PKD1L1: variants seen among roughly 807,000 people sequenced by gnomAD.
PKD1L1 encodes polycystin-1-like protein 1.
PKD1L1 carries 236 observed loss-of-function variants against 323.4 expected under a neutral mutation model. The ratio of observed to expected loss-of-function variants is 0.73; its 90% CI spans 0.66 to 0.81. The LOEUF is 0.81. Ranked by LOEUF, PKD1L1 falls within the 40% of genes least tolerant of loss-of-function variation. PKD1L1 has a pLI of 0.00. For synonymous variants in PKD1L1, 1,344 were observed against 1,335.0 expected, an observed-to-expected ratio of 1.01 and a Z score of -0.15; for missense variants, 3,320 against 3,508.0, an observed-to-expected ratio of 0.95 and a Z score of 1.35.
chr7:47,863,800 A>G (rs1786087814), intron 26 of PKD1L1, among the ~76,000 whole-genome samples: 2 of 152,000 alleles, frequency 1.3e-5, no homozygotes, highest in African/African-American at 4.8e-5. Context: ...AGGTGGGAGG[A>G]TGGCTTGAGT....
Position 47,890,690 on chromosome 7 carries a change from C to T in PKD1L1, c.2527G>A (p.Asp843Asn). ...CFDSSTAHQL[D>N]AAAPTVSFEA... ...AAGGAAACAGTGGGAGCCGCGGCAT[C>T]CAGTTGGTGTGCAGTGGAGGAGTCG... The change falls in exon 16 of 57, where the codon GAT becomes AAT. Residue 843 changes from aspartate (D) to asparagine (N), a missense_variant. Asp to Asn is a conservative substitution (Grantham distance 23). Transcript: ENST00000289672. 1 of 1,613,830 alleles carries T rather than the reference C, an allele frequency of 6.2e-7. No homozygotes were observed. Among genetic ancestry groups the T allele is most frequent in the Non-Finnish European group, 8.5e-7 (1 of 1,180,028 alleles).
chr7:47,811,964 G>C lies in PKD1L1; in HGVS notation c.7434C>G (p.Leu2478=). Residue 2478 remains leucine (L), a synonymous_variant, in exon 50 of 57, where the codon CTC becomes CTG. Transcript: ENST00000289672. ...TGAAGAGTTGGGTTGGAGGGTTATAGAGAGTGAAGTGCACAGACACAGCCC... is the reference window on the plus strand; with the variant it reads ...TGAAGAGTTGGGTTGGAGGGTTATACAGAGTGAAGTGCACAGACACAGCCC... The part of the protein sequence containing the change: ...STRAVSVHFT[L]YNPPTQLFTS... The C allele has an allele frequency of 6.2e-7, 1 of 1,601,784 alleles. No individual in the cohort carries two copies.
chr7:47,845,744 T>A (rs746272120), intron 32 of PKD1L1, among the ~76,000 whole-genome samples: 4 of 152,020 alleles, frequency 2.6e-5, no homozygotes, highest in African/African-American at 4.8e-5. Flanking sequence ...TGTGTGCCCA[T>A]CTAATTTTGT....
rs1317566356 is a variant in PKD1L1 at position 47,792,752 on chromosome 7, T to C, written c.8401A>G (p.Met2801Val). The C allele has an allele frequency of 6.2e-7, 1 of 1,613,906 alleles. No homozygotes were observed. The highest frequency in any genetic ancestry group is 1.3e-5 in the African/African-American group (1 of 74,920). ...EFANLLDELLMKINGLSDSLQ... is the reference protein window; with the variant it reads ...EFANLLDELLVKINGLSDSLQ... ...CTGTCGGACAAACCATTAATCTTCATCAGAAGTTCGTCTAACAGATTTGCA... is the reference window on the plus strand; with the variant it reads ...CTGTCGGACAAACCATTAATCTTCACCAGAAGTTCGTCTAACAGATTTGCA... The change falls in exon 56 of 57, where the codon ATG (methionine) becomes GTG (valine). Residue 2801 changes from methionine to valine, a missense_variant. Coordinates refer to ENST00000289672, the MANE Select transcript of PKD1L1 (RefSeq NM_138295.5).
At chr7:47,929,014 T>C (rs1214003856) in intron 7 of PKD1L1, among the ~76,000 whole-genome samples, 190 bp downstream of exon 7, 1 of 152,192 alleles carries the variant, frequency 6.6e-6, no homozygotes, top group Non-Finnish European at 1.5e-5. Flanking sequence ...TTGGTCACAG[T>C]GCAAAACACA....
Position 47,943,413 on chromosome 7 carries a change from C to G in PKD1L1, c.143G>C (p.Gly48Ala), listed in dbSNP as rs1788037465. Reference sequence around the variant, plus strand: ...GGCCTTACCGACCCACAATCCACCTCCAGGAGGGCTACAGCTGCACAGATG... The same window carrying G: ...GGCCTTACCGACCCACAATCCACCTGCAGGAGGGCTACAGCTGCACAGATG... ...GLHLCSCSPPGGGLWVEVYAN... is the reference protein window; with the variant it reads ...GLHLCSCSPPAGGLWVEVYAN... Residue 48 changes from glycine (G) to alanine (A), a missense_variant, in exon 2 of 57, where the codon GGA becomes GCA. Physicochemically the swap from Gly to Ala is moderately conservative, Grantham distance 60. Coordinates refer to ENST00000289672, the MANE Select transcript of PKD1L1 (RefSeq NM_138295.5). 1 of 1,613,194 alleles carries G rather than the reference C, an allele frequency of 6.2e-7. No individual in the cohort carries two copies. The highest frequency in any genetic ancestry group is 1.3e-5 in the African/African-American group (1 of 74,884).
chr7:47,891,622 T>A (rs114311418), intron 15 of PKD1L1, among the ~76,000 whole-genome samples: 154 of 152,362 alleles, frequency 1.0e-3, no homozygotes, highest in African/African-American at 3.5e-3. Flanking sequence ...AGAGGTACTG[T>A]GATGGCTCAG....
At chr7:47,884,688 C>T in intron 18 of PKD1L1, 31 bp from the exon 19 acceptor site, 1 of 1,579,690 alleles carries the variant, frequency 6.3e-7, no homozygotes, top group South Asian at 1.1e-5. Context: ...ATAATGTTTC[C>T]TTTAAAATCA....
At chr7:47,825,625 G>A (rs537253617) in intron 45 of PKD1L1, among the ~76,000 whole-genome samples, 23 of 150,240 alleles carry the variant, frequency 1.5e-4, no homozygotes, top group Middle Eastern at 3.5e-3. Flanking sequence ...TTCTTTTTAC[G>A]TAGGAGTTAT....
chr7:47,870,984 GAA>G (rs57805873), intron 24 of PKD1L1, among the ~76,000 whole-genome samples: 113 of 86,094 alleles, frequency 1.3e-3, no homozygotes, highest in African/African-American at 4.0e-3. Flanking sequence ...AAAAAAAAAA[GAA>G]AAAAAAAAAA....
At position 47,879,932 on chromosome 7, in the gene PKD1L1, A is replaced by C. The variant is rs576884135; in HGVS notation, c.3520+796T>G. On this transcript the variant is annotated intron_variant, in intron 21 of 56. Transcript: ENST00000289672. ...TGGGCAACAGAGGGACTCCGTCTCA[A>C]CAAAAAAATAAAAAATAAAAAAAAA... 1.3e-4 allele frequency among the ~76,000 whole-genome samples: 16 copies of C among 119,004 alleles called. No homozygotes were observed. The East Asian group carries it at 3.2e-3, about 24-fold the overall frequency. The allele number at this position is 119,004 out of a possible 152,430, so 78.1% of individuals were successfully genotyped here. A position where few individuals can be genotyped will look rare whatever the true frequency, so the allele number is the denominator to read the frequency against.
At chr7:47,817,086 A>C (rs1443718296) in intron 46 of PKD1L1, among the ~76,000 whole-genome samples, 4 of 152,086 alleles carry the variant, frequency 2.6e-5, no homozygotes, top group Non-Finnish European at 5.9e-5. Flanking sequence ...AAATACAAAA[A>C]ATTAGCTGGG....
intron 21 of PKD1L1, among the ~76,000 whole-genome samples, chr7:47,880,350 T>C (rs1406420443): frequency 1.4e-5 from 2 of 139,910 alleles, no homozygotes; most frequent in Non-Finnish European, 3.0e-5. Context: ...GGCGCGATCT[T>C]GGCTCACTGC....
Position 47,843,144 on chromosome 7 carries a change from T to A in PKD1L1, c.5263A>T (p.Ile1755Phe). ...QSHPENLLPS[I>F]FIMGSVILYG... ...AGAATCACAGAACCCATAATAAAAATACTGGGAAGCAAGTTTTCTGGGTGG... is the reference window on the plus strand; with the variant it reads ...AGAATCACAGAACCCATAATAAAAAAACTGGGAAGCAAGTTTTCTGGGTGG... The change falls in exon 34 of 57, where the codon ATT becomes TTT. Residue 1755 changes from isoleucine to phenylalanine, a missense_variant. Transcript: ENST00000289672. The A allele has an allele frequency of 6.2e-7, 1 of 1,612,046 alleles. No homozygotes were observed. The highest frequency in any genetic ancestry group is 8.5e-7 in the Non-Finnish European group (1 of 1,179,498).
At chr7:47,940,691 T>C (rs1034016124) in intron 2 of PKD1L1, among the ~76,000 whole-genome samples, 2 of 152,096 alleles carry the variant, frequency 1.3e-5, no homozygotes, top group South Asian at 4.2e-4. Context: ...GAAGGAGTGG[T>C]TGGGGAGCTG....
At chr7:47,831,413 G>C in intron 41 of PKD1L1, 61 bp from the exon 42 acceptor site, 1 of 1,546,198 alleles carries the variant, frequency 6.5e-7, no homozygotes. Context: ...CCATCCACGC[G>C]GAGTGTGGTG....
At chr7:47,803,138 T>G in intron 53 of PKD1L1, 72 bp downstream of exon 53, 42 of 1,578,020 alleles carry the variant, frequency 2.7e-5, no homozygotes, top group Non-Finnish European at 3.1e-5. Flanking sequence ...GTTTTTCCCT[T>G]GAGAAAGGCT....
intron 13 of PKD1L1, among the ~76,000 whole-genome samples, chr7:47,899,819 G>C (rs374868410): frequency 1.3e-5 from 2 of 152,064 alleles, no homozygotes; most frequent in East Asian, 3.9e-4. Flanking sequence ...AGCCAGGTGT[G>C]GTGGCGGACG....
intron 24 of PKD1L1, among the ~76,000 whole-genome samples, chr7:47,869,161 A>T (rs1786228795): frequency 6.6e-6 from 1 of 152,208 alleles, no homozygotes. Flanking sequence ...ATACTAGAAA[A>T]TACTTAACAT....
Sources: allele counts gnomAD v4.1 joint callset (sites outside exome capture counted in the v4.1 genomes callset), GRCh38; gene constraint gnomAD v4.1.1; transcripts MANE v1.5; gene names NCBI Gene and HGNC (gene_info 2026-07-23, HGNC 2026-07-21).